The following POU6F2 variants were observed in gnomAD, a reference collection of about 807,000 sequenced individuals.
POU6F2 encodes POU domain, class 6, transcription factor 2.
In POU6F2, 31 loss-of-function variants were observed where a neutral mutation model predicts 71.3. The observed-to-expected ratio is 0.43, with a 90% CI of 0.33 to 0.59. The LOEUF (loss-of-function observed/expected upper bound fraction) is 0.59. POU6F2 is among the 20% of genes least tolerant of loss of function. The pLI is 0.04. For synonymous variants in POU6F2, 347 were observed against 355.7 expected (o/e 0.98, Z 0.27); for missense variants, 783 against 856.8 (o/e 0.91, Z 1.07).
intron 4 of POU6F2, among the ~76,000 whole-genome samples, chr7:39,227,551 C>CTTTTT (rs34830334): frequency 5.5e-5 from 6 of 109,000 alleles, no homozygotes; most frequent in East Asian, 3.1e-4. Flanking sequence ...ACATTGGTAC[C>CTTTTT]TTTTTTTTTT....
intron 1 of POU6F2, chr7:39,005,349 G>A (rs928379480): frequency 6.6e-6 from 1 of 152,204 alleles, no homozygotes. Flanking sequence ...ATGTGTCTCA[G>A]TGTCTACAGT....
intron 4 of POU6F2, among the ~76,000 whole-genome samples, chr7:39,231,809 T>C (rs1290150066): frequency 6.6e-6 from 1 of 152,032 alleles, no homozygotes; most frequent in African/African-American, 2.4e-5. Flanking sequence ...TGGACATAGA[T>C]GTGAAAGAAA....
chr7:39,133,756 T>C (rs954954972), intron 2 of POU6F2, among the ~76,000 whole-genome samples: 1 of 152,250 alleles, frequency 6.6e-6, no homozygotes, highest in African/African-American at 2.4e-5. Context: ...TACAATTCAC[T>C]GTACTATGTG....
chr7:39,366,568 G>A (rs1378556096), intron 5 of POU6F2, among the ~76,000 whole-genome samples: 1 of 152,112 alleles, frequency 6.6e-6, no homozygotes, highest in Non-Finnish European at 1.5e-5. Context: ...GAGCAGCAAC[G>A]ACCAGCAAGC....
intron 1 of POU6F2, among the ~76,000 whole-genome samples, chr7:38,982,882 A>G (rs1254659630): frequency 6.6e-6 from 1 of 152,106 alleles, no homozygotes; most frequent in East Asian, 1.9e-4. Context: ...TTTGCATGTA[A>G]TAAGTTTCCT....
At chr7:39,401,413 A>G (rs1020573701) in intron 5 of POU6F2, among the ~76,000 whole-genome samples, 2 of 152,232 alleles carry the variant, frequency 1.3e-5, no homozygotes, top group African/African-American at 4.8e-5. Flanking sequence ...TAACACAACA[A>G]TAATGATGAG....
intron 4 of POU6F2, among the ~76,000 whole-genome samples, chr7:39,324,313 T>A (rs1476190333): frequency 6.6e-6 from 1 of 152,186 alleles, no homozygotes; most frequent in African/African-American, 2.4e-5. Flanking sequence ...CTTTGGCACT[T>A]CCTGGTCTCC....
intron 5 of POU6F2, among the ~76,000 whole-genome samples, chr7:39,374,422 A>G (rs1489757799): frequency 1.3e-5 from 2 of 152,174 alleles, no homozygotes; most frequent in African/African-American, 4.8e-5. Context: ...TTGAACTCCA[A>G]TCTACCGTGA....
chr7:39,422,927 G>A (rs1185784144), intron 6 of POU6F2, among the ~76,000 whole-genome samples: 1 of 152,142 alleles, frequency 6.6e-6, no homozygotes, highest in African/African-American at 2.4e-5. Context: ...CTGCCTGACA[G>A]TGCCATCAAC....
chr7:39,453,152 A>G (rs757164473), intron 8 of POU6F2, among the ~76,000 whole-genome samples: 3 of 152,246 alleles, frequency 2.0e-5, no homozygotes, highest in African/African-American at 4.8e-5. Context: ...TTGATCTTAA[A>G]GATGGGTCAA....
chr7:39,227,615 C>T (rs1345192560), intron 4 of POU6F2, among the ~76,000 whole-genome samples: 3 of 138,258 alleles, frequency 2.2e-5, no homozygotes, highest in Non-Finnish European at 4.5e-5. Flanking sequence ...AGTGCAGTGG[C>T]GCGATCTCAG....
chr7:39,260,361 T>C (rs62648698), intron 4 of POU6F2, among the ~76,000 whole-genome samples: 136,749 of 150,602 alleles, frequency 0.91, 62,037 homozygotes, highest in Middle Eastern at 0.96. Flanking sequence ...ACAACACACA[T>C]ACCACACACA....
At chr7:39,462,823 G>C (rs1485119118) in intron 9 of POU6F2, among the ~76,000 whole-genome samples, 1 of 152,156 alleles carries the variant, frequency 6.6e-6, no homozygotes, top group Non-Finnish European at 1.5e-5. Flanking sequence ...TACATGGAAG[G>C]GAATGCTATG....
In POU6F2 at chr7:39,272,131, T is replaced by G. The variant is rs75458395; in HGVS notation, c.598+64511T>G. On this transcript the variant is annotated intron_variant, in intron 4 of 9. Coordinates refer to ENST00000518318, the MANE Select transcript of POU6F2 (RefSeq NM_001370959.1). Reference sequence around the variant, plus strand: ...AAAACTTAAGAAGGAAGTCCAGAAATAACCCAGGATCATAGGGAAGAAACC... The same window carrying G: ...AAAACTTAAGAAGGAAGTCCAGAAAGAACCCAGGATCATAGGGAAGAAACC... Among the ~76,000 whole-genome samples the G allele has an allele frequency of 3.3e-3, 509 of 152,256 alleles. 3 individuals carry two copies. Among genetic ancestry groups the G allele is most frequent in the African/African-American group, 0.011 (462 of 41,558 alleles).
chr7:38,988,047 T>A (rs987322360), intron 1 of POU6F2, among the ~76,000 whole-genome samples: 5 of 152,128 alleles, frequency 3.3e-5, no homozygotes, highest in Admixed American at 1.3e-4. Context: ...AGTATGGCTT[T>A]AATATTAATG....
intron 4 of POU6F2, among the ~76,000 whole-genome samples, chr7:39,338,307 C>G (rs1010337957): frequency 5.9e-5 from 9 of 152,172 alleles, no homozygotes; most frequent in African/African-American, 2.2e-4. Context: ...GGGGAAATGG[C>G]AAAAGCAGGC....
intron 6 of POU6F2, among the ~76,000 whole-genome samples, chr7:39,409,059 A>T (rs1008174501): frequency 1.3e-5 from 2 of 152,234 alleles, no homozygotes; most frequent in African/African-American, 4.8e-5. Context: ...GTAGCAATAC[A>T]TTGGAACCAG....
intron 2 of POU6F2, among the ~76,000 whole-genome samples, chr7:39,157,413 A>G (rs943325522): frequency 1.3e-5 from 2 of 152,132 alleles, no homozygotes; most frequent in African/African-American, 4.8e-5. Context: ...GGAAGTGCTT[A>G]TGCATTTATT....
chr7:39,403,257 A>G (rs545295544), intron 5 of POU6F2, among the ~76,000 whole-genome samples: 4 of 152,190 alleles, frequency 2.6e-5, no homozygotes, highest in African/African-American at 4.8e-5. Context: ...TAAGATATCA[A>G]TGCTTCTCTT....
Sources: allele counts gnomAD v4.1 joint callset (sites outside exome capture counted in the v4.1 genomes callset), GRCh38; gene constraint gnomAD v4.1.1; transcripts MANE v1.5; gene names NCBI Gene and HGNC (gene_info 2026-07-23, HGNC 2026-07-21).